The following STAB1 variants were observed in gnomAD, a reference collection of about 807,000 sequenced individuals.
STAB1 encodes stabilin-1.
A neutral mutation model predicts 332.4 loss-of-function variants in STAB1; 250 were observed. The ratio of observed to expected loss-of-function variants is 0.75; its 90% CI spans 0.68 to 0.84. STAB1 has a LOEUF of 0.84. Ranked by LOEUF, STAB1 falls within the 40% of genes least tolerant of loss-of-function variation. The pLI, the probability that STAB1 is intolerant of heterozygous loss-of-function variation, is 0.00. For missense variants in STAB1, 3,249 were observed against 3,489.7 expected (o/e 0.93, Z 1.74); for synonymous variants, 1,475 against 1,390.4 (o/e 1.06, Z -1.35).
At chr3:52,502,327 T>C in intron 5 of STAB1, 99 bp downstream of exon 5, 1 of 1,327,812 alleles carries the variant, frequency 7.5e-7, no homozygotes, top group Non-Finnish European at 1.0e-6. Flanking sequence ...CTTCAGCCTC[T>C]GTCCCAGCCC....
chr3:52,501,251 G>A lies in STAB1; in HGVS notation c.164G>A (p.Cys55Tyr). ...TGCGCGGCCATCAAGAAGCAGACGT[G>A]TCCCTCAGGCTGGCTGCGGGAGCTC... ...TSCAAIKKQT[C>Y]PSGWLRELPD... The change falls in exon 2 of 69, where the codon TGT becomes TAT. Residue 55 changes from cysteine (C) to tyrosine (Y), a missense_variant. Cys to Tyr is a radical substitution (Grantham distance 194). Transcript: ENST00000321725. 3 of 1,613,622 alleles carry A rather than the reference G, an allele frequency of 1.9e-6. No individual in the cohort carries two copies. Among genetic ancestry groups the A allele is most frequent in the East Asian group, 2.2e-5 (1 of 44,898 alleles).
intron 15 of STAB1, 22 bp downstream of exon 15, chr3:52,505,803 G>A: frequency 6.2e-7 from 1 of 1,613,838 alleles, no homozygotes; most frequent in Admixed American, 1.7e-5. Context: ...GGGAGAAGGG[G>A]CTGCGGGTAT....
intron 50 of STAB1, 58 bp downstream of exon 50, chr3:52,519,622 A>G (rs1575360121): frequency 3.1e-6 from 5 of 1,601,594 alleles, no homozygotes; most frequent in Non-Finnish European, 4.3e-6. Context: ...AAGTGTGTGC[A>G]AGTGTGTATG....
chr3:52,496,714 C>T (rs534170186), intron 1 of STAB1, among the ~76,000 whole-genome samples: 78 of 152,326 alleles, frequency 5.1e-4, no homozygotes, highest in African/African-American at 1.7e-3. Context: ...CAAAGGCCTC[C>T]GCCACCTCCT....
At chr3:52,498,892 C>T (rs921002359) in intron 1 of STAB1, among the ~76,000 whole-genome samples, 8 of 152,238 alleles carry the variant, frequency 5.3e-5, no homozygotes, top group Non-Finnish European at 1.0e-4. Context: ...ATCCCAGCTC[C>T]GCCGTTCAAC....
chr3:52,495,795 C>T (rs1328416945), intron 1 of STAB1, among the ~76,000 whole-genome samples: 2 of 152,198 alleles, frequency 1.3e-5, no homozygotes, highest in African/African-American at 2.4e-5. Context: ...CTGGCCCAGA[C>T]GGAGGCCCAG....
Position 52,504,640 on chromosome 3 carries a change from A to C in STAB1, c.1239+91A>C. 1.9e-6 allele frequency: 3 copies of C among 1,611,400 alleles called. No homozygotes were observed. In the Admixed American group the frequency reaches 5.0e-5, roughly 27 times the overall value. ...TCTTCAGGGCCACCTGGAAGGCATCAGGGCCTGGGATGCATCCTGTCCCCT... is the reference window on the plus strand; with the variant it reads ...TCTTCAGGGCCACCTGGAAGGCATCCGGGCCTGGGATGCATCCTGTCCCCT... On this transcript the variant is annotated intron_variant, in intron 11 of 68. Coordinates refer to ENST00000321725, the MANE Select transcript of STAB1 (RefSeq NM_015136.3).
rs1326481101 is a variant in STAB1 at position 52,508,253 on chromosome 3, A to G, written c.2149-20A>G. The G allele has an allele frequency of 2.5e-6, 4 of 1,602,060 alleles. No homozygotes were observed. The highest frequency in any genetic ancestry group is 2.6e-6 in the Non-Finnish European group (3 of 1,171,604). ...GGCATGGACCCAGATGGCCTCTTGGACCTGTTCTGTCTCTTATAGGAACAA... is the reference window on the plus strand; with the variant it reads ...GGCATGGACCCAGATGGCCTCTTGGGCCTGTTCTGTCTCTTATAGGAACAA... On this transcript the variant is annotated intron_variant, in intron 20 of 68. Coordinates refer to ENST00000321725, the MANE Select transcript of STAB1 (RefSeq NM_015136.3).
At chr3:52,501,959 A>C (rs532832572) in intron 3 of STAB1, 47 bp from the exon 4 acceptor site, 2 of 1,605,048 alleles carry the variant, frequency 1.2e-6, no homozygotes, top group African/African-American at 1.3e-5. Context: ...GGGTCAGGGT[A>C]AGCGGAGGGT....
chr3:52,518,237 G>A, intron 45 of STAB1, 75 bp from the exon 46 acceptor site: 3 of 1,598,220 alleles, frequency 1.9e-6, no homozygotes, highest in Non-Finnish European at 1.7e-6. Flanking sequence ...TAGACCTTGG[G>A]CCGCAGGTGC....
chr3:52,519,681 C>G (rs1198158714), intron 50 of STAB1, 117 bp downstream of exon 50: 2 of 1,421,504 alleles, frequency 1.4e-6, no homozygotes, highest in African/African-American at 1.4e-5. Context: ...CCCGTGTGAG[C>G]CTGTGTGAAC....
intron 19 of STAB1, 89 bp downstream of exon 19, chr3:52,507,764 A>G (rs1708983538): frequency 6.5e-7 from 1 of 1,549,722 alleles, no homozygotes; most frequent in Non-Finnish European, 8.9e-7. Flanking sequence ...GGGGAAGCAG[A>G]GGCTGGGAGG....
At position 52,512,879 on chromosome 3, in the gene STAB1, T is replaced by A; in HGVS notation, c.3079T>A (p.Ser1027Thr). Residue 1027 changes from serine to threonine, a missense_variant, in exon 29 of 69, where the codon TCC becomes ACC. By Grantham distance (58) the Ser-to-Thr change is moderately conservative. Transcript: ENST00000321725. ...CCGCCGAGTCACAGCCCTGGTGCCC[T>A]CCGAGGCTGCAGTCCGTCAGCTGAG... ...ADRRVTALVP[S>T]EAAVRQLSPE... 6.2e-7 allele frequency: 1 copy of A among 1,611,672 alleles called. No homozygotes were observed. Among genetic ancestry groups the A allele is most frequent in the Non-Finnish European group, 8.5e-7 (1 of 1,179,874 alleles).
In STAB1 at chr3:52,523,495, GGGGA is replaced by G; in HGVS notation, c.7210_7213del (p.Gly2404SerfsTer195). The stretch of plus-strand genomic sequence containing the variant: ...CCCTCCTAAGTGCCAACGCCAGCCA[GGGGA>G]AGTTGCTTCCGGCCCACTCAGGCCT... On this transcript the variant is annotated frameshift_variant, in exon 65 of 69. Coordinates refer to ENST00000321725, the MANE Select transcript of STAB1 (RefSeq NM_015136.3). LOFTEE classifies it high-confidence loss of function. The G allele has an allele frequency of 6.2e-7, 1 of 1,612,506 alleles. No individual in the cohort carries two copies. The highest frequency in any genetic ancestry group is 8.5e-7 in the Non-Finnish European group (1 of 1,179,682).
intron 10 of STAB1, 85 bp downstream of exon 10, chr3:52,504,240 C>T: frequency 6.6e-7 from 1 of 1,521,526 alleles, no homozygotes; most frequent in South Asian, 1.2e-5. Flanking sequence ...TCTGCAGATT[C>T]CAGTTTCTCT....
At chr3:52,510,113 C>G in intron 23 of STAB1, 29 bp from the exon 24 acceptor site, 1 of 1,613,810 alleles carries the variant, frequency 6.2e-7, no homozygotes, top group South Asian at 1.1e-5. Context: ...CTGAGGCTCA[C>G]TGGAGCCCCC....
chr3:52,517,657 C>A, intron 44 of STAB1, 33 bp downstream of exon 44: 1 of 1,604,918 alleles, frequency 6.2e-7, no homozygotes, highest in Non-Finnish European at 8.5e-7. Flanking sequence ...CCTTCACTGA[C>A]GAGAAGGAGA....
In STAB1 at chr3:52,502,995, G is replaced by A. The variant is rs370490159; in HGVS notation, c.584-4G>A. 34 of 1,566,788 alleles carry A rather than the reference G, an allele frequency of 2.2e-5. No individual in the cohort carries two copies. The highest frequency in any genetic ancestry group is 1.3e-4 in the African/African-American group (10 of 74,144). Reference sequence around the variant, plus strand: ...CTCATCAGTGCTCTCTCCACTCTGCGCAGAGCTGCCCGTCTGCCAGGAGCT... The same window carrying A: ...CTCATCAGTGCTCTCTCCACTCTGCACAGAGCTGCCCGTCTGCCAGGAGCT... On this transcript the variant is annotated splice_region_variant and splice_polypyrimidine_tract_variant and intron_variant, in intron 6 of 68. Transcript: ENST00000321725.
At chr3:52,499,625 C>T (rs1357657522) in intron 1 of STAB1, among the ~76,000 whole-genome samples, 1 of 150,640 alleles carries the variant, frequency 6.6e-6, no homozygotes, top group Non-Finnish European at 1.5e-5. Flanking sequence ...GCCGGCCGGG[C>T]GCGGTGGCTC....
Sources: gnomAD v4.1 joint callset for allele counts (sites outside exome capture counted in the v4.1 genomes callset) on GRCh38, gnomAD v4.1.1 for gene constraint, MANE v1.5 for transcripts, NCBI Gene and HGNC (gene_info 2026-07-23, HGNC 2026-07-21) for gene names.